The following EFCAB7 variants were observed in gnomAD, a reference collection of about 807,000 sequenced individuals.
EFCAB7 encodes the protein EF-hand calcium-binding domain-containing protein 7.
In EFCAB7, 66 loss-of-function variants were observed where a neutral mutation model predicts 77.1. The observed-to-expected ratio is 0.86, with a 90% CI of 0.70 to 1.05. The LOEUF (loss-of-function observed/expected upper bound fraction) is 1.05, where lower values mean the gene tolerates loss of function less well. Ranked by LOEUF, EFCAB7 falls within the 50% of genes least tolerant of loss-of-function variation. EFCAB7 has a pLI of 0.00. For missense variants in EFCAB7, 638 were observed against 730.5 expected (o/e 0.87, Z 1.46); for synonymous variants, 225 against 243.3 (o/e 0.92, Z 0.70).
chr1:63,541,044 A>G, intron 6 of EFCAB7, among the ~76,000 whole-genome samples: 1 of 152,190 alleles, frequency 6.6e-6, no homozygotes, highest in East Asian at 1.9e-4. Context: ...TAAGTCTGCA[A>G]CAGAGTTATG....
In EFCAB7 at chr1:63,572,615, TAATC is replaced by T; in HGVS notation, c.*100_*103del. The T allele has an allele frequency of 8.6e-7, 1 of 1,158,442 alleles. No individual in the cohort carries two copies. The highest frequency in any genetic ancestry group is 3.2e-5 in the East Asian group (1 of 30,890). The allele number at this position is 1,158,442 out of a possible 1,614,324, so 71.8% of individuals were successfully genotyped here. A position where few individuals can be genotyped will look rare whatever the true frequency, so the allele number is the denominator to read the frequency against. On this transcript the variant is annotated 3_prime_UTR_variant, in exon 14 of 14. Coordinates refer to ENST00000371088, the MANE Select transcript of EFCAB7 (RefSeq NM_032437.4). ...CTACTTAACTGATGTACCTAAATAA[TAATC>T]TATTCAATTTATATGCATTTTCATT...
chr1:63,546,008 G>A lies in EFCAB7; in HGVS notation c.897G>A (p.Arg299=), dbSNP rs1234951403. The A allele has an allele frequency of 1.4e-5, 23 of 1,613,646 alleles. No individual in the cohort carries two copies. The highest frequency in any genetic ancestry group is 1.9e-5 in the Non-Finnish European group (22 of 1,179,830). The change falls in exon 7 of 14, where the codon AGG becomes AGA. Residue 299 remains arginine (R), a synonymous_variant. Coordinates refer to ENST00000371088, the MANE Select transcript of EFCAB7 (RefSeq NM_032437.4). The part of the protein sequence containing the change: ...SHQYRMQIAQ[R]SMVYLTIKPL... ...AGTACAGGATGCAAATAGCTCAGAG[G>A]TCCATGGTTTATCTAACAATTAAGC...
At chr1:63,583,517 C>G in the EFCAB7 span, among the ~76,000 whole-genome samples, 1 of 152,128 alleles carries the variant, frequency 6.6e-6, no homozygotes, top group African/African-American at 2.4e-5. Flanking sequence ...TGATTCAACA[C>G]TGAAGGTGTC....
the EFCAB7 span, among the ~76,000 whole-genome samples, chr1:63,582,209 C>T: frequency 6.6e-6 from 1 of 152,156 alleles, no homozygotes; most frequent in African/African-American, 2.4e-5. Context: ...ATATTGTAAA[C>T]CTTGTCTAAC....
chr1:63,551,954 A>G (rs1039101066), intron 8 of EFCAB7, 120 bp downstream of exon 8: 2 of 379,870 alleles, frequency 5.3e-6, no homozygotes, highest in Non-Finnish European at 9.2e-6. Flanking sequence ...TAAGGTATAA[A>G]CAGCACTTAA....
At chr1:63,575,532 G>A (rs1383163452), downstream of EFCAB7, among the ~76,000 whole-genome samples, 3 of 152,094 alleles carry the variant, frequency 2.0e-5, no homozygotes, top group Admixed American at 6.6e-5. Context: ...TGACTTCTAA[G>A]ACTGCTTTTG....
intron 6 of EFCAB7, among the ~76,000 whole-genome samples, chr1:63,539,567 CCT>C (rs1646804061): frequency 6.6e-6 from 1 of 152,088 alleles, no homozygotes; most frequent in South Asian, 2.1e-4. Context: ...AGTAAGGAGA[CCT>C]AGCTTTTGGT....
chr1:63,524,254 T>G (rs1029507528), intron 1 of EFCAB7, among the ~76,000 whole-genome samples: 6 of 152,240 alleles, frequency 3.9e-5, no homozygotes, highest in African/African-American at 1.4e-4. Flanking sequence ...AACAGTTTTC[T>G]TTCACATTTG....
chr1:63,548,821 C>T (rs1339421904), intron 7 of EFCAB7: 1 of 152,716 alleles, frequency 6.5e-6, no homozygotes, highest in African/African-American at 2.4e-5. Flanking sequence ...CCCAACTCTG[C>T]TCCATTAGAG....
At chr1:63,570,057 A>G (rs1036146551) in intron 12 of EFCAB7, 1 of 152,198 alleles carries the variant, frequency 6.6e-6, no homozygotes, top group African/African-American at 2.4e-5. Context: ...GCATTTACAT[A>G]TATTAGAGCA....
At chr1:63,525,425 T>C (rs1472854437) in intron 1 of EFCAB7, 147 bp from the exon 2 acceptor site, 1 of 569,562 alleles carries the variant, frequency 1.8e-6, no homozygotes, top group Non-Finnish European at 2.8e-6. Flanking sequence ...ATATAAAACT[T>C]TTAATATCTT....
chr1:63,571,529 C>T (rs192183807), intron 13 of EFCAB7, among the ~76,000 whole-genome samples: 50 of 151,826 alleles, frequency 3.3e-4, no homozygotes, highest in Non-Finnish European at 5.7e-4. Flanking sequence ...AAAAATTAGC[C>T]GGACATGGTG....
intron 8 of EFCAB7, among the ~76,000 whole-genome samples, chr1:63,553,433 G>A (rs976752471): frequency 9.9e-5 from 15 of 152,188 alleles, no homozygotes; most frequent in Admixed American, 8.5e-4. Context: ...TCCGCCTCCC[G>A]GGTTCAAGTG....
chr1:63,567,508 G>C (rs1226235617), intron 11 of EFCAB7, among the ~76,000 whole-genome samples: 1 of 152,084 alleles, frequency 6.6e-6, no homozygotes, highest in Non-Finnish European at 1.5e-5. Context: ...GGCTGAAGTA[G>C]AGAACAGAGA....
intron 1 of EFCAB7, among the ~76,000 whole-genome samples, chr1:63,524,597 G>A (rs1374317455): frequency 6.6e-6 from 1 of 152,166 alleles, no homozygotes; most frequent in Admixed American, 6.5e-5. Flanking sequence ...AATTTATTAG[G>A]TTGGAGATCT....
chr1:63,576,395 G>A (rs915581562), downstream of EFCAB7, among the ~76,000 whole-genome samples: 2 of 151,564 alleles, frequency 1.3e-5, no homozygotes, highest in African/African-American at 4.8e-5. Flanking sequence ...CAGGAGAATC[G>A]CTTGAACCCT....
chr1:63,582,956 G>A, the EFCAB7 span, among the ~76,000 whole-genome samples: 1 of 152,188 alleles, frequency 6.6e-6, no homozygotes, highest in Non-Finnish European at 1.5e-5. Context: ...TGCCAGCAAA[G>A]GATGGTTTGA....
Position 63,571,207 on chromosome 1 carries a change from G to A in EFCAB7, c.1815+79G>A. 1.5e-5 allele frequency: 13 copies of A among 893,180 alleles called. No homozygotes were observed. In the South Asian group the frequency reaches 2.0e-4, roughly 14 times the overall value. 55.3% of individuals were successfully genotyped at this position (893,180 alleles called of 1,614,324 possible). A position where few individuals can be genotyped will look rare whatever the true frequency, so the allele number is the denominator to read the frequency against. ...TTGCTATTAATGCTATGAGTAAAAT[G>A]TAAATATAAAATGGAGTGGAAAATT... On this transcript the variant is annotated intron_variant, in intron 13 of 13. Coordinates refer to ENST00000371088, the MANE Select transcript of EFCAB7 (RefSeq NM_032437.4).
intron 12 of EFCAB7, 32 bp downstream of exon 12, chr1:63,568,551 G>A: frequency 6.5e-7 from 1 of 1,535,158 alleles, no homozygotes; most frequent in Non-Finnish European, 9.0e-7. Context: ...TCCTCATTTT[G>A]CTACAAAGCT....
Sources: gnomAD v4.1 joint callset for allele counts (sites outside exome capture counted in the v4.1 genomes callset) on GRCh38, gnomAD v4.1.1 for gene constraint, MANE v1.5 for transcripts, NCBI Gene and HGNC (gene_info 2026-07-23, HGNC 2026-07-21) for gene names.